Variants in MACROD2 observed in about 807,000 individuals in gnomAD.
MACROD2 encodes ADP-ribose glycohydrolase MACROD2.
MACROD2 carries 36 observed loss-of-function variants against 70.4 expected under a neutral mutation model. The ratio of observed to expected loss-of-function variants is 0.51; its 90% CI spans 0.39 to 0.68. MACROD2 has a LOEUF of 0.68. Ranked by LOEUF, MACROD2 falls within the 30% of genes least tolerant of loss-of-function variation. The probability of loss-of-function intolerance (pLI) is 0.00; values close to 1 mark genes in which losing one functional copy is unlikely to be tolerated. For missense variants in MACROD2, 496 were observed against 538.4 expected, an observed-to-expected ratio of 0.92 and a Z score of 0.78; for synonymous variants, 172 against 178.8, an observed-to-expected ratio of 0.96 and a Z score of 0.30.
intron 6 of MACROD2, among the ~76,000 whole-genome samples, chr20:15,298,986 C>T (rs1245955150): frequency 6.6e-6 from 1 of 152,184 alleles, no homozygotes; most frequent in African/African-American, 2.4e-5. Context: ...GATCCATAAT[C>T]TCTGTTTTGA....
intron 5 of MACROD2, among the ~76,000 whole-genome samples, chr20:14,967,403 A>G (rs1056995474): frequency 1.3e-5 from 2 of 152,020 alleles, no homozygotes; most frequent in African/African-American, 4.8e-5. Context: ...AACTCAGGCA[A>G]TCCGCCCGCC....
At chr20:15,955,164 G>T (rs1359410893) in intron 12 of MACROD2, among the ~76,000 whole-genome samples, 1 of 152,118 alleles carries the variant, frequency 6.6e-6, no homozygotes, top group Non-Finnish European at 1.5e-5. Flanking sequence ...GGGAAAAAGA[G>T]CATCTTTGAA....
chr20:15,871,623 T>C (rs747280291), intron 9 of MACROD2, among the ~76,000 whole-genome samples: 4 of 152,130 alleles, frequency 2.6e-5, no homozygotes, highest in Non-Finnish European at 4.4e-5. Context: ...GAGGACCAGA[T>C]TGATTGGGAC....
At chr20:15,619,980 G>T (rs1015870649) in intron 8 of MACROD2, among the ~76,000 whole-genome samples, 2 of 152,028 alleles carry the variant, frequency 1.3e-5, no homozygotes, top group South Asian at 2.1e-4. Flanking sequence ...GCAGGGCGTG[G>T]TCTAAACGAA....
intron 3 of MACROD2, among the ~76,000 whole-genome samples, chr20:14,432,520 G>A (rs2084006187): frequency 6.6e-6 from 1 of 151,916 alleles, no homozygotes; most frequent in South Asian, 2.1e-4. Flanking sequence ...TAGTACGTGA[G>A]GGCTAACTTA....
intron 2 of MACROD2, among the ~76,000 whole-genome samples, chr20:14,048,990 T>C (rs2053518251): frequency 6.6e-6 from 1 of 151,896 alleles, no homozygotes; most frequent in Admixed American, 6.6e-5. Context: ...TGTCTATTCA[T>C]GGTATACTAT....
chr20:14,149,868 T>C (rs1038450206), intron 3 of MACROD2, among the ~76,000 whole-genome samples: 1 of 152,106 alleles, frequency 6.6e-6, no homozygotes, highest in Admixed American at 6.5e-5. Flanking sequence ...CCTTTTTTTC[T>C]TGAAAAAGAG....
At chr20:15,951,814 A>G (rs2065910146) in intron 12 of MACROD2, among the ~76,000 whole-genome samples, 1 of 152,168 alleles carries the variant, frequency 6.6e-6, no homozygotes, top group African/African-American at 2.4e-5. Context: ...AATTTACGTA[A>G]ATCACCCGTA....
intron 5 of MACROD2, among the ~76,000 whole-genome samples, chr20:14,709,532 G>T (rs1012471985): frequency 1.3e-5 from 2 of 152,030 alleles, no homozygotes; most frequent in African/African-American, 4.8e-5. Flanking sequence ...AAATTTAATA[G>T]GTCTGGCGTC....
chr20:15,462,346 T>G (rs967404346), intron 7 of MACROD2, among the ~76,000 whole-genome samples: 1 of 152,228 alleles, frequency 6.6e-6, no homozygotes, highest in African/African-American at 2.4e-5. Flanking sequence ...TTGTGTTTGC[T>G]CTTGTCTGTA....
At chr20:14,264,012 C>T (rs1461068769) in intron 3 of MACROD2, among the ~76,000 whole-genome samples, 3 of 123,366 alleles carry the variant, frequency 2.4e-5, no homozygotes, top group Admixed American at 1.6e-4. Flanking sequence ...CACACACACA[C>T]ACACACACAC....
At chr20:14,776,537 G>A (rs1338188704) in intron 5 of MACROD2, among the ~76,000 whole-genome samples, 1 of 152,022 alleles carries the variant, frequency 6.6e-6, no homozygotes, top group Non-Finnish European at 1.5e-5. Flanking sequence ...CATTGGTGCA[G>A]TGGTCCTCAA....
chr20:15,601,890 T>A (rs1286016716), intron 8 of MACROD2, among the ~76,000 whole-genome samples: 2 of 152,006 alleles, frequency 1.3e-5, no homozygotes, highest in Non-Finnish European at 2.9e-5. Flanking sequence ...TAGCCGGGTG[T>A]GTTGGCATGC....
chr20:14,670,667 C>G (rs985483841), intron 4 of MACROD2, among the ~76,000 whole-genome samples: 2 of 152,128 alleles, frequency 1.3e-5, no homozygotes, highest in African/African-American at 2.4e-5. Flanking sequence ...AAACACCATC[C>G]ACATCCTAGG....
intron 5 of MACROD2, among the ~76,000 whole-genome samples, chr20:15,150,184 C>T (rs1423119547): frequency 1.3e-5 from 2 of 151,948 alleles, no homozygotes; most frequent in Non-Finnish European, 2.9e-5. Flanking sequence ...TGGAGGCTAT[C>T]TGTGAGGGCT....
chr20:14,225,455 GT>G (rs1485745256), intron 3 of MACROD2, among the ~76,000 whole-genome samples: 2 of 152,078 alleles, frequency 1.3e-5, no homozygotes, highest in Non-Finnish European at 2.9e-5. Flanking sequence ...CTTTGAAAAA[GT>G]ATATTCATTT....
chr20:15,103,211 A>G (rs1220743871), intron 5 of MACROD2, among the ~76,000 whole-genome samples: 1 of 152,104 alleles, frequency 6.6e-6, no homozygotes, highest in Admixed American at 6.6e-5. Flanking sequence ...CCAAATTATC[A>G]AAGACCCAAG....
chr20:15,082,023 C>G (rs2075707473), intron 5 of MACROD2, among the ~76,000 whole-genome samples: 5 of 152,156 alleles, frequency 3.3e-5, no homozygotes, highest in Admixed American at 3.3e-4. Flanking sequence ...ATGTCCTAGG[C>G]AGGAGCCAGG....
intron 6 of MACROD2, among the ~76,000 whole-genome samples, chr20:15,405,407 C>T (rs906070765): frequency 2.0e-5 from 3 of 152,166 alleles, no homozygotes; most frequent in Admixed American, 6.5e-5. Context: ...ACTCATACTG[C>T]GCAGAGGGGA....
Sources: allele counts gnomAD v4.1 joint callset (sites outside exome capture counted in the v4.1 genomes callset), GRCh38; gene constraint gnomAD v4.1.1; transcripts MANE v1.5; gene names NCBI Gene and HGNC (gene_info 2026-07-23, HGNC 2026-07-21).